The following TCERG1 variants were observed in gnomAD, a reference collection of about 807,000 sequenced individuals.
TCERG1 encodes the protein transcription elongation regulator 1.
TCERG1 carries 37 observed loss-of-function variants against 144.7 expected under a neutral mutation model. That is an observed-to-expected ratio of 0.26 (90% confidence interval 0.20 to 0.34). TCERG1 has a LOEUF of 0.34. Among genes scored for constraint, TCERG1 ranks in the 10% least tolerant of loss-of-function variants. The probability of loss-of-function intolerance (pLI) is 1.00; values close to 1 mark genes in which losing one functional copy is unlikely to be tolerated. For missense variants in TCERG1, 1,027 were observed against 1,380.7 expected, an observed-to-expected ratio of 0.74 and a Z score of 4.06; for synonymous variants, 492 against 458.2, an observed-to-expected ratio of 1.07 and a Z score of -0.94.
At position 146,495,891 on chromosome 5, in the gene TCERG1, G is replaced by A. The variant is rs902293526; in HGVS notation, c.2283-2645G>A. On this transcript the variant is annotated intron_variant, in intron 16 of 22. Transcript: ENST00000679501. ...AATTCTTGGCCAGGCGCAGTGGCTC[G>A]CGCCTGTAATCCCAGCACTTTGGGA... is the stretch of plus-strand genomic sequence containing the variant. Among the ~76,000 whole-genome samples the A allele has an allele frequency of 7.9e-5, 12 of 151,860 alleles. No homozygotes were observed. The East Asian group carries it at 1.5e-3, about 20-fold the overall frequency.
intron 15 of TCERG1, among the ~76,000 whole-genome samples, chr5:146,492,391 G>T (rs1766513567): frequency 6.6e-6 from 1 of 152,086 alleles, no homozygotes; most frequent in African/African-American, 2.4e-5. Flanking sequence ...ACTTAAAAAA[G>T]AAGTTCTTCT....
chr5:146,482,848 A>T (rs1285466037), intron 14 of TCERG1, 121 bp downstream of exon 14: 5 of 1,296,462 alleles, frequency 3.9e-6, no homozygotes, highest in Non-Finnish European at 5.0e-6. Context: ...GGGGATTTTT[A>T]AAATTACTGT....
At chr5:146,494,215 A>G (rs946797199) in intron 16 of TCERG1, among the ~76,000 whole-genome samples, 3 of 152,064 alleles carry the variant, frequency 2.0e-5, no homozygotes, top group Admixed American at 2.0e-4. Context: ...TCACTTGGTA[A>G]GAATTGGATA....
chr5:146,482,887 C>A (rs1287373592), intron 14 of TCERG1, among the ~76,000 whole-genome samples, 160 bp downstream of exon 14: 1 of 152,076 alleles, frequency 6.6e-6, no homozygotes, highest in African/African-American at 2.4e-5. Context: ...TTTTTCTTGG[C>A]TAATCTTATC....
At chr5:146,503,716 C>G in intron 18 of TCERG1, 108 bp from the exon 19 acceptor site, 4 of 1,413,704 alleles carry the variant, frequency 2.8e-6, no homozygotes, top group Non-Finnish European at 3.8e-6. Context: ...TAGGTATATT[C>G]TGGGCAAAAA....
At chr5:146,469,453 A>G (rs1462302623) in intron 6 of TCERG1, 91 bp from the exon 7 acceptor site, 5 of 1,070,420 alleles carry the variant, frequency 4.7e-6, no homozygotes, top group Non-Finnish European at 6.5e-6. Context: ...ATTTATTAAT[A>G]TTTAATAGAA....
At chr5:146,465,925 C>A (rs528402509) in intron 5 of TCERG1, among the ~76,000 whole-genome samples, 11 of 149,428 alleles carry the variant, frequency 7.4e-5, no homozygotes, top group Admixed American at 6.8e-4. Flanking sequence ...GAGGCTGAGG[C>A]AGGAGAATTT....
At chr5:146,457,046 C>T in intron 2 of TCERG1, 137 bp from the exon 3 acceptor site, 3 of 1,135,602 alleles carry the variant, frequency 2.6e-6, no homozygotes, top group East Asian at 2.5e-5. Flanking sequence ...AGACATTTTG[C>T]TTCTATGACA....
At chr5:146,455,350 A>T in intron 2 of TCERG1, 69 bp downstream of exon 2, 1 of 1,526,194 alleles carries the variant, frequency 6.6e-7, no homozygotes, top group Non-Finnish European at 8.9e-7. Context: ...GTTTTGAGTT[A>T]AAAACTTACA....
At chr5:146,467,021 G>A (rs981069514) in intron 5 of TCERG1, among the ~76,000 whole-genome samples, 1 of 151,996 alleles carries the variant, frequency 6.6e-6, no homozygotes, top group Non-Finnish European at 1.5e-5. Context: ...TTTTTCCATT[G>A]CTTTCTTTCA....
intron 9 of TCERG1, among the ~76,000 whole-genome samples, chr5:146,475,494 T>C (rs73793131): frequency 0.24 from 37,237 of 152,108 alleles, 5,679 homozygotes; most frequent in East Asian, 0.83. Flanking sequence ...TATTATGCAC[T>C]GGACTGCTCC....
intron 1 of TCERG1, among the ~76,000 whole-genome samples, chr5:146,452,581 C>T (rs1397446493): frequency 6.6e-6 from 1 of 152,066 alleles, no homozygotes; most frequent in Non-Finnish European, 1.5e-5. Context: ...TGAATCCTCT[C>T]TTTATTTTCT....
At chr5:146,453,988 G>A (rs1762582596) in intron 1 of TCERG1, among the ~76,000 whole-genome samples, 1 of 149,268 alleles carries the variant, frequency 6.7e-6, no homozygotes, top group African/African-American at 2.5e-5. Flanking sequence ...ATGCGGTCAG[G>A]AGATCAAGAC....
chr5:146,463,472 T>C, intron 4 of TCERG1, 79 bp from the exon 5 acceptor site: 1 of 1,581,166 alleles, frequency 6.3e-7, no homozygotes. Context: ...CTTAAATTAC[T>C]GAATGTGTAA....
Position 146,467,471 on chromosome 5 carries a change from T to G in TCERG1, c.1136-870T>G, listed in dbSNP as rs183122225. 6.6e-5 allele frequency among the ~76,000 whole-genome samples: 10 copies of G among 152,342 alleles called. No homozygotes were observed. The East Asian group carries it at 1.5e-3, about 23-fold the overall frequency. On this transcript the variant is annotated intron_variant, in intron 5 of 22. Coordinates refer to ENST00000679501, the MANE Select transcript of TCERG1 (RefSeq NM_001382548.1). ...GTTAATCAGTCTTAGTTTTGCAGCT[T>G]TTCTTTTCATTCCCTTTTTAAAAAT...
chr5:146,447,730 G>C (rs540325268), intron 1 of TCERG1, among the ~76,000 whole-genome samples: 13 of 152,234 alleles, frequency 8.5e-5, no homozygotes, highest in African/African-American at 3.1e-4. Flanking sequence ...TGTCGCCTCC[G>C]TCTCGGCCGA....
chr5:146,509,676 A>AT (rs367884559), intron 22 of TCERG1, among the ~76,000 whole-genome samples: 4,395 of 151,358 alleles, frequency 0.029, 213 homozygotes, highest in African/African-American at 0.099. Context: ...CAGCATAAAC[A>AT]TTTTTTTTTC....
In TCERG1 at chr5:146,500,936, C is replaced by G. The variant is rs138867742; in HGVS notation, c.2433+2250C>G. ...AATGGGAGGATCGCTTGAGCCCAAACAGTCAAGGTTGCAGTGAGTTTTGAT... is the reference window on the plus strand; with the variant it reads ...AATGGGAGGATCGCTTGAGCCCAAAGAGTCAAGGTTGCAGTGAGTTTTGAT... On this transcript the variant is annotated intron_variant, in intron 17 of 22. Coordinates refer to ENST00000679501, the MANE Select transcript of TCERG1 (RefSeq NM_001382548.1). Among the ~76,000 whole-genome samples, 10 of 149,734 alleles carry G rather than the reference C, an allele frequency of 6.7e-5. 1 individual carries two copies. Among genetic ancestry groups the G allele is most frequent in the Middle Eastern group, 3.5e-3 (1 of 288 alleles).
intron 9 of TCERG1, among the ~76,000 whole-genome samples, chr5:146,473,470 T>C (rs752132722): frequency 2.0e-5 from 3 of 152,188 alleles, no homozygotes; most frequent in Non-Finnish European, 2.9e-5. Context: ...GTTAAGGTTA[T>C]CGATGAGGGC....
Sources: gnomAD v4.1 joint callset for allele counts (sites outside exome capture counted in the v4.1 genomes callset) on GRCh38, gnomAD v4.1.1 for gene constraint, MANE v1.5 for transcripts, NCBI Gene and HGNC (gene_info 2026-07-23, HGNC 2026-07-21) for gene names.